The following GALNTL6 variants were observed in gnomAD, a reference collection of about 807,000 sequenced individuals.
GALNTL6 encodes the protein polypeptide N-acetylgalactosaminyltransferase like 6.
Under a neutral mutation model 73.7 loss-of-function variants are expected in GALNTL6, and 46 were observed. That is an observed-to-expected ratio of 0.62 (90% CI 0.49 to 0.80). The LOEUF is 0.80. Ranked by LOEUF, GALNTL6 falls within the 30% of genes least tolerant of loss-of-function variation. GALNTL6 has a pLI of 0.00. For synonymous variants in GALNTL6, 259 were observed against 263.7 expected (o/e 0.98, Z 0.17); for missense variants, 604 against 755.0 (o/e 0.80, Z 2.34).
intron 10 of GALNTL6, among the ~76,000 whole-genome samples, chr4:172,956,210 C>G (rs1398780319): frequency 6.6e-6 from 1 of 151,974 alleles, no homozygotes; most frequent in Non-Finnish European, 1.5e-5. Flanking sequence ...GCGTGGGAAC[C>G]TAGAGGGTGA....
chr4:171,843,258 A>G (rs1446814438), intron 2 of GALNTL6, among the ~76,000 whole-genome samples: 1 of 152,138 alleles, frequency 6.6e-6, no homozygotes, highest in African/African-American at 2.4e-5. Context: ...TTATGTCCCT[A>G]AAGTAAAATA....
intron 5 of GALNTL6, among the ~76,000 whole-genome samples, chr4:172,567,183 T>G (rs1736585734): frequency 6.6e-6 from 1 of 152,104 alleles, no homozygotes; most frequent in South Asian, 2.1e-4. Context: ...CATTAGTATT[T>G]TTTTTTTCTC....
chr4:172,906,014 A>C (rs928781759), intron 8 of GALNTL6, among the ~76,000 whole-genome samples: 1 of 152,184 alleles, frequency 6.6e-6, no homozygotes, highest in African/African-American at 2.4e-5. Flanking sequence ...TCAATTCTCC[A>C]AAGTAACTGG....
chr4:172,967,794 A>G (rs187787467), intron 10 of GALNTL6, among the ~76,000 whole-genome samples: 2 of 152,302 alleles, frequency 1.3e-5, no homozygotes, highest in East Asian at 1.9e-4. Flanking sequence ...AAAACATTGT[A>G]TCTGTAGGGT....
At chr4:172,737,172 T>C (rs753357812) in intron 5 of GALNTL6, among the ~76,000 whole-genome samples, 5 of 152,226 alleles carry the variant, frequency 3.3e-5, no homozygotes, top group Non-Finnish European at 4.4e-5. Flanking sequence ...TGAAACACTT[T>C]CTGTTATAGT....
chr4:172,609,484 G>A (rs1738431519), intron 5 of GALNTL6, among the ~76,000 whole-genome samples: 1 of 152,136 alleles, frequency 6.6e-6, no homozygotes, highest in African/African-American at 2.4e-5. Flanking sequence ...GCATCCCAGG[G>A]ATAAAACCTA....
chr4:172,792,265 GA>G (rs891274476), intron 5 of GALNTL6, among the ~76,000 whole-genome samples: 168 of 152,136 alleles, frequency 1.1e-3, no homozygotes, highest in African/African-American at 3.8e-3. Context: ...ATTTTCCAAA[GA>G]AATCCCCTTA....
At chr4:172,349,255 T>C (rs1321235655) in intron 5 of GALNTL6, among the ~76,000 whole-genome samples, 5 of 152,156 alleles carry the variant, frequency 3.3e-5, no homozygotes, top group East Asian at 1.9e-4. Flanking sequence ...TTAATACTTT[T>C]ATAATTTTAT....
chr4:172,230,773 G>A (rs9312519), intron 3 of GALNTL6, among the ~76,000 whole-genome samples: 60,267 of 151,710 alleles, frequency 0.4, 12,153 homozygotes, highest in African/African-American at 0.42. Context: ...TCACAGAAAT[G>A]GAGCAGCTAC....
At chr4:172,985,159 G>A (rs1420061040) in intron 10 of GALNTL6, among the ~76,000 whole-genome samples, 2 of 152,054 alleles carry the variant, frequency 1.3e-5, no homozygotes, top group Non-Finnish European at 2.9e-5. Context: ...GTCTGGATTC[G>A]AGGAAGAGAT....
intron 5 of GALNTL6, among the ~76,000 whole-genome samples, chr4:172,673,401 G>A (rs751029541): frequency 3.3e-5 from 5 of 152,100 alleles, no homozygotes; most frequent in Non-Finnish European, 5.9e-5. Context: ...TTATGTGATC[G>A]ATTTTAGAGC....
intron 2 of GALNTL6, among the ~76,000 whole-genome samples, chr4:172,142,523 T>A (rs1403856435): frequency 4.6e-5 from 7 of 152,058 alleles, no homozygotes. Flanking sequence ...CCATTGAACA[T>A]AAATTTTAAC....
intron 5 of GALNTL6, among the ~76,000 whole-genome samples, chr4:172,557,560 T>C (rs974594662): frequency 7.9e-5 from 12 of 152,122 alleles, no homozygotes; most frequent in Non-Finnish European, 1.0e-4. Flanking sequence ...GAGGGCAAAA[T>C]ACCTGAATAA....
At chr4:172,969,345 C>T (rs1197446280) in intron 10 of GALNTL6, among the ~76,000 whole-genome samples, 2 of 151,962 alleles carry the variant, frequency 1.3e-5, no homozygotes, top group Admixed American at 1.3e-4. Context: ...TGATTTGGAA[C>T]AATAAGTGAA....
intron 9 of GALNTL6, among the ~76,000 whole-genome samples, chr4:172,939,268 C>T (rs1748790761): frequency 6.6e-6 from 1 of 152,130 alleles, no homozygotes; most frequent in Non-Finnish European, 1.5e-5. Flanking sequence ...TGCCCTCCAG[C>T]CTGGGTGACA....
At chr4:172,515,650 G>T (rs1159312816) in intron 5 of GALNTL6, among the ~76,000 whole-genome samples, 1 of 152,240 alleles carries the variant, frequency 6.6e-6, no homozygotes, top group Non-Finnish European at 1.5e-5. Flanking sequence ...GAGTTCTGCA[G>T]CTGTCCTGAA....
intron 5 of GALNTL6, among the ~76,000 whole-genome samples, chr4:172,703,593 T>C (rs969691118): frequency 6.6e-6 from 1 of 151,988 alleles, no homozygotes; most frequent in African/African-American, 2.4e-5. Context: ...TATTCAGTTT[T>C]CCAGCATTTT....
chr4:171,842,660 G>C (rs1735268505), intron 2 of GALNTL6, among the ~76,000 whole-genome samples: 1 of 151,914 alleles, frequency 6.6e-6, no homozygotes, highest in African/African-American at 2.4e-5. Context: ...GGAGGTCCTA[G>C]ACTCTTAAAC....
intron 4 of GALNTL6, among the ~76,000 whole-genome samples, chr4:172,346,553 T>G (rs1012477654): frequency 7.9e-5 from 12 of 152,232 alleles, no homozygotes; most frequent in African/African-American, 2.9e-4. Context: ...AATTGGCTTA[T>G]GGGCCTCTCT....
Sources: gnomAD v4.1 joint callset for allele counts (sites outside exome capture counted in the v4.1 genomes callset) on GRCh38, gnomAD v4.1.1 for gene constraint, MANE v1.5 for transcripts, NCBI Gene and HGNC (gene_info 2026-07-23, HGNC 2026-07-21) for gene names.